The following VARS2 variants were observed in gnomAD, a reference collection of about 807,000 sequenced individuals.
VARS2 encodes the protein valyl-tRNA synthetase 2, mitochondrial, also known as valine--tRNA ligase, mitochondrial.
VARS2 carries 105 observed loss-of-function variants against 154.1 expected under a neutral mutation model. The ratio of observed to expected loss-of-function variants is 0.68; its 90% CI spans 0.58 to 0.80. The LOEUF is 0.80. VARS2 is among the 30% of genes least tolerant of loss of function. The pLI, the probability that VARS2 is intolerant of heterozygous loss-of-function variation, is 0.00. For synonymous variants in VARS2, 483 were observed against 539.5 expected, an observed-to-expected ratio of 0.90 and a Z score of 1.45; for missense variants, 1,157 against 1,361.4, an observed-to-expected ratio of 0.85 and a Z score of 2.36.
In VARS2 at chr6:30,921,726, A is replaced by C; in HGVS notation, c.1735+35A>C. 6.4e-7 allele frequency: 1 copy of C among 1,569,130 alleles called. No individual in the cohort carries two copies. Among genetic ancestry groups the C allele is most frequent in the South Asian group, 1.2e-5 (1 of 85,362 alleles). On this transcript the variant is annotated intron_variant, in intron 18 of 29. Coordinates refer to ENST00000676266, the MANE Select transcript of VARS2 (RefSeq NM_020442.6). This position sits in a 1 kb window ranked among gnomAD's most constrained non-coding sequence, Gnocchi z 4.6. The stretch of plus-strand genomic sequence containing the variant: ...TGAGCTGGGGAGGGATGTACAGGGG[A>C]GCGGGGGCCTGGGCATCTGGGCCTT...
Position 30,926,319 on chromosome 6 carries a change from C to A in VARS2, c.*109C>A, listed in dbSNP as rs1043614005. 2 of 1,115,626 alleles carry A rather than the reference C, an allele frequency of 1.8e-6. No homozygotes were observed. Among genetic ancestry groups the A allele is most frequent in the Non-Finnish European group, 2.6e-6 (2 of 761,964 alleles). 69.1% of individuals were successfully genotyped at this position (1,115,626 alleles called of 1,614,324 possible). On this transcript the variant is annotated 3_prime_UTR_variant, in exon 30 of 30. Transcript: ENST00000676266. ...CGTCAGAGACTATGTGGTCCATCGC[C>A]TTCATTGTGTAAATGAGGACACAGA...
chr6:30,924,739 T>C (rs1794737911), intron 26 of VARS2, among the ~76,000 whole-genome samples, 179 bp downstream of exon 26: 1 of 152,184 alleles, frequency 6.6e-6, no homozygotes, highest in Non-Finnish European at 1.5e-5. Flanking sequence ...AGGGACAGTA[T>C]TAGCGTAGTG....
chr6:30,917,813 A>G lies in VARS2; in HGVS notation c.985+7A>G. The G allele has an allele frequency of 6.4e-7, 1 of 1,552,984 alleles. No individual in the cohort carries two copies. On this transcript the variant is annotated splice_region_variant and intron_variant, in intron 10 of 29. Coordinates refer to ENST00000676266, the MANE Select transcript of VARS2 (RefSeq NM_020442.6). The surrounding 1 kb of genome is among the most constrained non-coding windows in gnomAD (Gnocchi z 4.4). ...CCCGTGGATGGAGAGCCTGGTGAGC[A>G]TAGTACTCTGCAGGGTCACCCGTTT...
Position 30,916,521 on chromosome 6 carries a change from A to G in VARS2, c.671+272A>G, listed in dbSNP as rs1487468957. 5 of 333,382 alleles carry G rather than the reference A, an allele frequency of 1.5e-5. No individual in the cohort carries two copies. The highest frequency in any genetic ancestry group is 2.6e-5 in the Non-Finnish European group (5 of 191,534). The allele number at this position is 333,382 out of a possible 1,614,324, so 20.7% of individuals were successfully genotyped here. A position where few individuals can be genotyped will look rare whatever the true frequency, so the allele number is the denominator to read the frequency against. On this transcript the variant is annotated intron_variant, in intron 7 of 29. Transcript: ENST00000676266. This position sits in a 1 kb window ranked among gnomAD's most constrained non-coding sequence, Gnocchi z 4.0. Reference sequence around the variant, plus strand: ...ATTTTCTTTCTCTTTACTTACCCCAATTTCTCTTGTCTAAATCTCACCTTC... The same window carrying G: ...ATTTTCTTTCTCTTTACTTACCCCAGTTTCTCTTGTCTAAATCTCACCTTC...
rs997347880 is a variant in VARS2, at chr6:30,926,100, C to G, written c.3091-9C>G. ...TCCTGGATCCTCACCTCCTTTTCTCCTCGTCCAGCTTTCTTCCCTCCAGCT... is the reference window on the plus strand; with the variant it reads ...TCCTGGATCCTCACCTCCTTTTCTCGTCGTCCAGCTTTCTTCCCTCCAGCT... On this transcript the variant is annotated splice_polypyrimidine_tract_variant and intron_variant, in intron 29 of 29. Coordinates refer to ENST00000676266, the MANE Select transcript of VARS2 (RefSeq NM_020442.6). 3.7e-6 allele frequency: 6 copies of G among 1,613,108 alleles called. No individual in the cohort carries two copies. Among genetic ancestry groups the G allele is most frequent in the Non-Finnish European group, 5.1e-6 (6 of 1,180,026 alleles).
chr6:30,915,919 C>T (rs757654280), intron 5 of VARS2, 52 bp downstream of exon 5: 1 of 1,614,048 alleles, frequency 6.2e-7, no homozygotes, highest in Admixed American at 1.7e-5. Flanking sequence ...ATAGGAAGGG[C>T]AGGAATGAGT....
Position 30,924,499 on chromosome 6 carries a change from G to C in VARS2, c.2612G>C (p.Arg871Thr). 2 of 1,603,442 alleles carry C rather than the reference G, an allele frequency of 1.2e-6. No homozygotes were observed. Among genetic ancestry groups the C allele is most frequent in the Non-Finnish European group, 1.7e-6 (2 of 1,173,314 alleles). ...GAGCTCTGGCAGAGGCTGCCCCCCA[G>C]GCCTGGTTGCCCCCCTGCCCCCAGC... ...AEELWQRLPP[R>T]PGCPPAPSIS... is the part of the protein sequence containing the mutation. The change falls in exon 26 of 30, where the codon AGG (arginine) becomes ACG (threonine). Residue 871 changes from arginine to threonine, a missense_variant. Coordinates refer to ENST00000676266, the MANE Select transcript of VARS2 (RefSeq NM_020442.6).
chr6:30,921,020 C>T lies in VARS2; in HGVS notation c.1480-45C>T, dbSNP rs770237672. 1.9e-6 allele frequency: 3 copies of T among 1,565,386 alleles called. No homozygotes were observed. The highest frequency in any genetic ancestry group is 2.6e-6 in the Non-Finnish European group (3 of 1,153,124). ...ACTCGTCCTATCTGTGGAGGTGCGG[C>T]CGTGCAGGAAGGGCAACATTGTCTA... On this transcript the variant is annotated intron_variant, in intron 15 of 29. Coordinates refer to ENST00000676266, the MANE Select transcript of VARS2 (RefSeq NM_020442.6). The surrounding 1 kb of genome is among the most constrained non-coding windows in gnomAD (Gnocchi z 4.6).
intron 25 of VARS2, 142 bp downstream of exon 25, chr6:30,923,647 T>G: frequency 1.6e-6 from 2 of 1,254,992 alleles, no homozygotes; most frequent in Non-Finnish European, 2.2e-6. Context: ...GGAGTCTCAG[T>G]TCCCCTCTTC....
At position 30,922,445 on chromosome 6, in the gene VARS2, C is replaced by A. The variant is rs763286260; in HGVS notation, c.1933-5C>A. On this transcript the variant is annotated splice_region_variant and splice_polypyrimidine_tract_variant and intron_variant, in intron 20 of 29. Coordinates refer to ENST00000676266, the MANE Select transcript of VARS2 (RefSeq NM_020442.6). ...CCCCCTCTGTTGACCCCTCCCTGCC[C>A]CCAGGTGCTTCTTCATCCCATGGTT... The A allele has an allele frequency of 1.2e-6, 2 of 1,607,612 alleles. No homozygotes were observed. The highest frequency in any genetic ancestry group is 1.7e-6 in the Non-Finnish European group (2 of 1,177,594).
chr6:30,923,259 T>C, intron 24 of VARS2, 28 bp downstream of exon 24: 1 of 1,612,282 alleles, frequency 6.2e-7, no homozygotes, highest in Non-Finnish European at 8.5e-7. Flanking sequence ...TGCTTGGGAG[T>C]AGGGTAGTCA....
At chr6:30,914,630 C>A in intron 1 of VARS2, 180 bp from the exon 2 acceptor site, 2 of 1,099,890 alleles carry the variant, frequency 1.8e-6, no homozygotes, top group Non-Finnish European at 2.5e-6. Flanking sequence ...ATATCCGTGG[C>A]TCCATGGCGC....
In VARS2 at chr6:30,921,524, C is replaced by T; in HGVS notation, c.1633-65C>T. 1.3e-6 allele frequency: 2 copies of T among 1,548,174 alleles called. No individual in the cohort carries two copies. Among genetic ancestry groups the T allele is most frequent in the Non-Finnish European group, 1.8e-6 (2 of 1,141,178 alleles). On this transcript the variant is annotated intron_variant, in intron 17 of 29. Transcript: ENST00000676266. This position sits in a 1 kb window ranked among gnomAD's most constrained non-coding sequence, Gnocchi z 4.6. ...TAAGACCACATGAGGACGTGAAAAC[C>T]AAGTGACATTTACACCTGTCAGCTG...
chr6:30,919,051 CT>C lies in VARS2; in HGVS notation c.1074+137del. 1.4e-6 allele frequency: 1 copy of C among 736,510 alleles called. No individual in the cohort carries two copies. Among genetic ancestry groups the C allele is most frequent in the Non-Finnish European group, 2.2e-6 (1 of 446,930 alleles). 45.6% of individuals were successfully genotyped at this position (736,510 alleles called of 1,614,324 possible). On this transcript the variant is annotated intron_variant, in intron 11 of 29. Transcript: ENST00000676266. This position sits in a 1 kb window ranked among gnomAD's most constrained non-coding sequence, Gnocchi z 4.5. The stretch of plus-strand genomic sequence containing the variant: ...ACTTCTCTCAGTGGTTCTGATTGGA[CT>C]CCCTCCTCCTCTTATAGTTTTTCTG...
At position 30,917,382 on chromosome 6, in the gene VARS2, C is replaced by T. The variant is rs1169492315; in HGVS notation, c.873+158C>T. ...GGCAGGCCGTTTAGTCTCTTTAAGC[C>T]TCAGCTTCCTCAGTCTGTAAATTAG... is the stretch of plus-strand genomic sequence containing the variant. On this transcript the variant is annotated intron_variant, in intron 9 of 29. Coordinates refer to ENST00000676266, the MANE Select transcript of VARS2 (RefSeq NM_020442.6). The surrounding 1 kb of genome is among the most constrained non-coding windows in gnomAD (Gnocchi z 4.4). Among the ~76,000 whole-genome samples the T allele has an allele frequency of 6.6e-6, 1 of 152,218 alleles. No homozygotes were observed. Among genetic ancestry groups the T allele is most frequent in the Non-Finnish European group, 1.5e-5 (1 of 68,050 alleles).
Position 30,916,136 on chromosome 6 carries a change from C to T in VARS2, c.574-16C>T. The stretch of plus-strand genomic sequence containing the variant: ...AGCAACCTGACTCTGTTCATTTGCC[C>T]TGAATCCAACTGCAGGCTGTGGTGG... On this transcript the variant is annotated splice_polypyrimidine_tract_variant and intron_variant, in intron 6 of 29. Transcript: ENST00000676266. This position sits in a 1 kb window ranked among gnomAD's most constrained non-coding sequence, Gnocchi z 4.0. 1 of 1,613,820 alleles carries T rather than the reference C, an allele frequency of 6.2e-7. No homozygotes were observed.
chr6:30,923,310 CA>C (rs753540574), intron 24 of VARS2, 42 bp from the exon 25 acceptor site: 1 of 1,606,186 alleles, frequency 6.2e-7, no homozygotes, highest in South Asian at 1.1e-5. Flanking sequence ...GGAAAGGAGG[CA>C]GGGGAGGGGG....
In VARS2 at chr6:30,922,443, C is replaced by T. The variant is rs1039137173; in HGVS notation, c.1933-7C>T. 1 of 1,607,066 alleles carries T rather than the reference C, an allele frequency of 6.2e-7. No homozygotes were observed. The highest frequency in any genetic ancestry group is 8.5e-7 in the Non-Finnish European group (1 of 1,177,284). On this transcript the variant is annotated splice_region_variant and splice_polypyrimidine_tract_variant and intron_variant, in intron 20 of 29. Coordinates refer to ENST00000676266, the MANE Select transcript of VARS2 (RefSeq NM_020442.6). Reference sequence around the variant, plus strand: ...ACCCCCCTCTGTTGACCCCTCCCTGCCCCCAGGTGCTTCTTCATCCCATGG... The same window carrying T: ...ACCCCCCTCTGTTGACCCCTCCCTGTCCCCAGGTGCTTCTTCATCCCATGG...
In VARS2 at chr6:30,917,290, TCAGACTCTGGAGC is replaced by T; in HGVS notation, c.873+70_873+82del. 8 of 1,610,376 alleles carry T rather than the reference TCAGACTCTGGAGC, an allele frequency of 5.0e-6. No homozygotes were observed. The South Asian group carries it at 8.8e-5, about 18-fold the overall frequency. On this transcript the variant is annotated intron_variant, in intron 9 of 29. Transcript: ENST00000676266. The surrounding 1 kb of genome is among the most constrained non-coding windows in gnomAD (Gnocchi z 4.4). Reference sequence around the variant, plus strand: ...GGCAGAGTGGTCAATGATTAAGAGCTCAGACTCTGGAGCCAGGGTGCCTGGATTCAAATCTGAT... The same window carrying T: ...GGCAGAGTGGTCAATGATTAAGAGCTCAGGGTGCCTGGATTCAAATCTGAT...
Sources: allele counts gnomAD v4.1 joint callset (sites outside exome capture counted in the v4.1 genomes callset), GRCh38; gene constraint gnomAD v4.1.1; non-coding constraint Gnocchi (gnomAD v3.1); transcripts MANE v1.5; gene names NCBI Gene and HGNC (gene_info 2026-07-23, HGNC 2026-07-21).